Variants in OCA2 observed in about 807,000 individuals in gnomAD.
OCA2 encodes the protein P protein.
OCA2 carries 77 observed loss-of-function variants against 100.2 expected under a neutral mutation model. The observed-to-expected ratio is 0.77, with a 90% confidence interval of 0.64 to 0.93. The LOEUF is 0.93. Among genes scored for constraint, OCA2 ranks in the 40% least tolerant of loss-of-function variants. The pLI is 0.00. For synonymous variants in OCA2, 432 were observed against 439.2 expected (o/e 0.98, Z 0.21); for missense variants, 1,062 against 1,089.1 (o/e 0.98, Z 0.35).
intron 9 of OCA2, among the ~76,000 whole-genome samples, chr15:27,996,001 C>T (rs1367947566): frequency 1.3e-5 from 2 of 151,848 alleles, no homozygotes; most frequent in East Asian, 1.9e-4. Context: ...TCAGTAGAGA[C>T]GGGGTTTCAC....
At chr15:27,845,412 C>G (rs2035494605) in intron 22 of OCA2, among the ~76,000 whole-genome samples, 1 of 152,174 alleles carries the variant, frequency 6.6e-6, no homozygotes, top group South Asian at 2.1e-4. Flanking sequence ...AATGCAGTCT[C>G]AGACAGGAAC....
At chr15:27,854,351 GCACATGTCTC>G (rs2035875401) in intron 21 of OCA2, among the ~76,000 whole-genome samples, 1 of 152,210 alleles carries the variant, frequency 6.6e-6, no homozygotes, top group Admixed American at 6.5e-5. Flanking sequence ...GCCTGCTACT[GCACATGTCTC>G]CACCAGTCCA....
chr15:28,025,652 C>A (rs1273322388), intron 4 of OCA2, among the ~76,000 whole-genome samples: 1 of 152,236 alleles, frequency 6.6e-6, no homozygotes, highest in African/African-American at 2.4e-5. Flanking sequence ...GCTCACTCAG[C>A]AGCCAGACCC....
At chr15:27,724,284 C>T in the OCA2 span, among the ~76,000 whole-genome samples, 2 of 152,146 alleles carry the variant, frequency 1.3e-5, no homozygotes, top group Non-Finnish European at 1.5e-5. Flanking sequence ...GTGGTTCCTA[C>T]CCGGGCTGTG....
At chr15:27,906,844 T>A (rs950002758) in intron 19 of OCA2, among the ~76,000 whole-genome samples, 1 of 152,154 alleles carries the variant, frequency 6.6e-6, no homozygotes, top group South Asian at 2.1e-4. Flanking sequence ...GACACCAACA[T>A]CCACTCAGCT....
intron 22 of OCA2, among the ~76,000 whole-genome samples, chr15:27,848,800 CG>C (rs1285140269): frequency 2.6e-5 from 4 of 152,196 alleles, no homozygotes; most frequent in African/African-American, 9.7e-5. Context: ...TTCCCTTTGT[CG>C]AGTTGAAGAG....
intron 10 of OCA2, 99 bp downstream of exon 10, chr15:27,990,476 TA>T: frequency 8.3e-7 from 1 of 1,197,944 alleles, no homozygotes; most frequent in Non-Finnish European, 1.2e-6. Flanking sequence ...ACGTGGCATA[TA>T]AAATAGTGAA....
At chr15:27,855,740 T>A (rs1259609745) in intron 21 of OCA2, among the ~76,000 whole-genome samples, 1 of 152,202 alleles carries the variant, frequency 6.6e-6, no homozygotes, top group Non-Finnish European at 1.5e-5. Context: ...ACAGTAAATA[T>A]AAGACACAAA....
intron 11 of OCA2, among the ~76,000 whole-genome samples, chr15:27,987,925 C>T (rs1486865675): frequency 6.6e-6 from 1 of 152,014 alleles, no homozygotes; most frequent in Admixed American, 6.5e-5. Flanking sequence ...CAAAAATGTC[C>T]CCAGTCAATT....
At chr15:28,022,404 C>T (rs1034013011) in intron 6 of OCA2, 97 bp downstream of exon 6, 2 of 815,370 alleles carry the variant, frequency 2.5e-6, no homozygotes, top group South Asian at 1.4e-5. Context: ...TGGCCTGTGC[C>T]GTGGCCTTCA....
intron 2 of OCA2, among the ~76,000 whole-genome samples, chr15:28,066,408 G>A (rs2044024785): frequency 6.6e-6 from 1 of 152,088 alleles, no homozygotes; most frequent in South Asian, 2.1e-4. Context: ...GCCATGATGG[G>A]AGAGGGGGGT....
chr15:27,903,184 C>T (rs1200507849), intron 19 of OCA2, among the ~76,000 whole-genome samples: 1 of 152,248 alleles, frequency 6.6e-6, no homozygotes, highest in African/African-American at 2.4e-5. Flanking sequence ...ACCTTTGTGT[C>T]GCCGGCGCCG....
rs928630968 is a variant in OCA2, at chr15:27,979,874, T to G, written c.1503+3471A>C. Among the ~76,000 whole-genome samples, 20 of 148,142 alleles carry G rather than the reference T, an allele frequency of 1.4e-4. No individual in the cohort carries two copies. In the South Asian group the frequency reaches 2.8e-3, roughly 21 times the overall value. ...GCCACCATGCCCAGCTAGTGTTTTTTTTTTTTTTTTTTTGGATTTCTAGTA... is the reference window on the plus strand; with the variant it reads ...GCCACCATGCCCAGCTAGTGTTTTTGTTTTTTTTTTTTTGGATTTCTAGTA... On this transcript the variant is annotated intron_variant, in intron 14 of 23. Transcript: ENST00000354638.
chr15:28,082,091 A>G (rs2044653794), intron 1 of OCA2, among the ~76,000 whole-genome samples, 196 bp from the exon 2 acceptor site: 1 of 152,212 alleles, frequency 6.6e-6, no homozygotes, highest in Non-Finnish European at 1.5e-5. Flanking sequence ...GGGAACTTGC[A>G]GAACATTTCT....
In OCA2 at chr15:28,026,734, G is replaced by A. The variant is rs980652661; in HGVS notation, c.515+1137C>T. ...CTACGCACCTCAGGGAGTCTGAGGC[G>A]GGCCTCTTCGCACCCCGGGAGGTGC... On this transcript the variant is annotated intron_variant, in intron 4 of 23. Transcript: ENST00000354638. 7.2e-5 allele frequency among the ~76,000 whole-genome samples: 11 copies of A among 152,266 alleles called. No homozygotes were observed. In the South Asian group the frequency reaches 8.3e-4, roughly 11 times the overall value.
intron 2 of OCA2, among the ~76,000 whole-genome samples, chr15:28,078,550 G>T (rs565284976): frequency 1.4e-3 from 210 of 152,294 alleles, no homozygotes; most frequent in African/African-American, 4.8e-3. Context: ...AGCTGGCAAG[G>T]AACTGAGGCC....
intron 21 of OCA2, among the ~76,000 whole-genome samples, chr15:27,863,337 A>T (rs562859167): frequency 6.6e-6 from 1 of 152,246 alleles, no homozygotes; most frequent in South Asian, 2.1e-4. Context: ...CTGCACCCTC[A>T]CTGGGATTCT....
chr15:27,971,912 A>G (rs2040805150), intron 14 of OCA2, among the ~76,000 whole-genome samples: 1 of 152,036 alleles, frequency 6.6e-6, no homozygotes. Flanking sequence ...ATTTTAGTGC[A>G]CCCATCACCA....
intron 23 of OCA2, among the ~76,000 whole-genome samples, chr15:27,805,116 T>C (rs2033776299): frequency 6.6e-6 from 1 of 152,074 alleles, no homozygotes. Flanking sequence ...GGCTGGACGC[T>C]GTGTGGGAGC....
Sources: allele counts gnomAD v4.1 joint callset (sites outside exome capture counted in the v4.1 genomes callset), GRCh38; gene constraint gnomAD v4.1.1; transcripts MANE v1.5; gene names NCBI Gene and HGNC (gene_info 2026-07-23, HGNC 2026-07-21).